The following PDE4D variants were observed in gnomAD, a reference collection of about 807,000 sequenced individuals.
The protein encoded by PDE4D is phosphodiesterase 4D.
A neutral mutation model predicts 87.4 loss-of-function variants in PDE4D; 24 were observed. The ratio of observed to expected loss-of-function variants is 0.27; its 90% CI spans 0.20 to 0.39. The LOEUF is 0.39. Among genes scored for constraint, PDE4D ranks in the 10% least tolerant of loss-of-function variants. PDE4D has a pLI of 1.00. For synonymous variants in PDE4D, 384 were observed against 383.2 expected (o/e 1.00, Z -0.02); for missense variants, 714 against 1,041.0 (o/e 0.69, Z 4.32).
chr5:60,375,902 G>A (rs759576900), intron 1 of PDE4D, among the ~76,000 whole-genome samples: 19 of 152,180 alleles, frequency 1.2e-4, no homozygotes, highest in Non-Finnish European at 2.5e-4. Context: ...AGCTGGGTGT[G>A]GTGGTACGCG....
intron 5 of PDE4D, among the ~76,000 whole-genome samples, chr5:59,085,486 G>C (rs1360377148): frequency 6.6e-6 from 1 of 151,996 alleles, no homozygotes; most frequent in Non-Finnish European, 1.5e-5. Context: ...ATAAATATTT[G>C]TTACTAATTT....
intron 1 of PDE4D, among the ~76,000 whole-genome samples, chr5:60,247,472 T>G (rs1269692430): frequency 6.6e-6 from 1 of 152,030 alleles, no homozygotes; most frequent in Non-Finnish European, 1.5e-5. Flanking sequence ...ATTTACCAAT[T>G]ATGAAACTTT....
intron 1 of PDE4D, among the ~76,000 whole-genome samples, chr5:59,481,992 T>C (rs1804351231): frequency 6.6e-6 from 1 of 152,064 alleles, no homozygotes; most frequent in Admixed American, 6.6e-5. Flanking sequence ...AAGCATGGTT[T>C]TTCTCTACAT....
At chr5:60,390,496 A>G (rs947395574) in intron 1 of PDE4D, among the ~76,000 whole-genome samples, 4 of 152,222 alleles carry the variant, frequency 2.6e-5, no homozygotes, top group African/African-American at 7.2e-5. Context: ...TGTTTGCATC[A>G]CTTTCCCCCA....
intron 5 of PDE4D, among the ~76,000 whole-genome samples, chr5:59,172,082 A>ATT: frequency 1.3e-4 from 1 of 7,598 alleles, no homozygotes; most frequent in African/African-American, 7.0e-4. Context: ...AATATATATT[A>ATT]TATATATAAT....
chr5:59,440,307 TACTA>T (rs1040317339), intron 1 of PDE4D, among the ~76,000 whole-genome samples: 7 of 152,226 alleles, frequency 4.6e-5, no homozygotes. Context: ...CCTAAGACCT[TACTA>T]ACTACCTTAA....
chr5:59,826,507 A>AT (rs1770339909), intron 1 of PDE4D, among the ~76,000 whole-genome samples: 4 of 121,862 alleles, frequency 3.3e-5, no homozygotes, highest in Non-Finnish European at 7.0e-5. Context: ...AAAATCGAGA[A>AT]CTTTTTTTTT....
intron 1 of PDE4D, among the ~76,000 whole-genome samples, chr5:59,811,027 A>T (rs558192253): frequency 6.6e-6 from 1 of 152,332 alleles, no homozygotes; most frequent in Admixed American, 6.5e-5. Context: ...AAAGGTATAA[A>T]GGAGCTAAAC....
chr5:59,862,522 T>C (rs1413070441), intron 1 of PDE4D, among the ~76,000 whole-genome samples: 1 of 152,160 alleles, frequency 6.6e-6, no homozygotes, highest in Non-Finnish European at 1.5e-5. Context: ...ACTGGCTGAC[T>C]GTGATGCTAG....
chr5:59,933,927 T>C (rs537312049), intron 3 of PDE4D, among the ~76,000 whole-genome samples: 2 of 152,288 alleles, frequency 1.3e-5, no homozygotes, highest in Non-Finnish European at 2.9e-5. Context: ...TGAAGTGCTA[T>C]CAAGCTTAGG....
At chr5:59,855,026 G>A (rs1745221627) in intron 1 of PDE4D, among the ~76,000 whole-genome samples, 2 of 152,102 alleles carry the variant, frequency 1.3e-5, no homozygotes, top group Non-Finnish European at 2.9e-5. Flanking sequence ...TTCAGAGCCT[G>A]GCAAATTTGA....
chr5:60,036,745 C>T (rs1024618229), intron 2 of PDE4D, among the ~76,000 whole-genome samples: 3 of 152,124 alleles, frequency 2.0e-5, no homozygotes, highest in Non-Finnish European at 2.9e-5. Flanking sequence ...TAGTTACCCT[C>T]GTGTCCTCAC....
chr5:59,095,385 T>C (rs1580770030), intron 5 of PDE4D, among the ~76,000 whole-genome samples: 1 of 151,754 alleles, frequency 6.6e-6, no homozygotes. Flanking sequence ...CCTTTCTTGG[T>C]ATTATAGTAT....
chr5:59,193,410 A>C, intron 3 of PDE4D, 90 bp downstream of exon 3: 2 of 1,173,140 alleles, frequency 1.7e-6, no homozygotes, highest in South Asian at 1.4e-5. Flanking sequence ...GCTTGATTTA[A>C]AATTAAATTA....
chr5:59,463,513 GA>G lies in PDE4D; in HGVS notation c.456-247546del, dbSNP rs200273738. On this transcript the variant is annotated intron_variant, in intron 1 of 14. Transcript: ENST00000340635. ...TAAGAGAGGTAACAGTCCCCGCACTGAATCACATGCTCATTAAGCTTTCCCT... is the reference window on the plus strand; with the variant it reads ...TAAGAGAGGTAACAGTCCCCGCACTGATCACATGCTCATTAAGCTTTCCCT... Among the ~76,000 whole-genome samples the G allele has an allele frequency of 7.3e-3, 1,118 of 152,282 alleles. 16 individuals are homozygous for G. Among genetic ancestry groups the G allele is most frequent in the African/African-American group, 0.024 (1,018 of 41,558 alleles).
chr5:59,426,996 TATAC>T (rs1293799203), intron 1 of PDE4D, among the ~76,000 whole-genome samples: 4 of 121,206 alleles, frequency 3.3e-5, no homozygotes, highest in East Asian at 2.4e-4. Flanking sequence ...AACTTGAAGC[TATAC>T]ACACACACAC....
In PDE4D at chr5:59,840,234, C is replaced by CCACACACACACA. The variant is rs142164308; in HGVS notation, c.455+52922_455+52933dup. 4.8e-3 allele frequency among the ~76,000 whole-genome samples: 691 copies of CCACACACACACA among 145,098 alleles called. 4 individuals are homozygous for CCACACACACACA. Among genetic ancestry groups the CCACACACACACA allele is most frequent in the African/African-American group, 0.015 (604 of 39,234 alleles). Reference sequence around the variant, plus strand: ...GTCTTCTAGTTTCACACGTGCACTGCCACACACACACACACACACACACAC... The same window carrying CCACACACACACA: ...GTCTTCTAGTTTCACACGTGCACTGCCACACACACACACACACACACACACACACACACACAC... On this transcript the variant is annotated intron_variant, in intron 1 of 14. Transcript: ENST00000340635.
At chr5:59,479,327 T>TG (rs1803849133) in intron 1 of PDE4D, among the ~76,000 whole-genome samples, 1 of 152,080 alleles carries the variant, frequency 6.6e-6, no homozygotes. Flanking sequence ...AAGTAGCTAC[T>TG]GTACTACATC....
intron 1 of PDE4D, among the ~76,000 whole-genome samples, chr5:60,278,299 A>T (rs1158523229): frequency 6.6e-6 from 1 of 152,134 alleles, no homozygotes; most frequent in Non-Finnish European, 1.5e-5. Flanking sequence ...ATTTTCTTAT[A>T]TAAGTAAGGA....
Sources: gnomAD v4.1 joint callset for allele counts (sites outside exome capture counted in the v4.1 genomes callset) on GRCh38, gnomAD v4.1.1 for gene constraint, MANE v1.5 for transcripts, NCBI Gene and HGNC (gene_info 2026-07-23, HGNC 2026-07-21) for gene names.